Variants in DOCK8 observed in about 807,000 individuals in gnomAD.
DOCK8 encodes the protein dedicator of cytokinesis protein 8.
DOCK8 carries 141 observed loss-of-function variants against 245.6 expected under a neutral mutation model. That is an observed-to-expected ratio of 0.57 (90% CI 0.50 to 0.66). The LOEUF (loss-of-function observed/expected upper bound fraction) is 0.66. DOCK8 is among the 30% of genes least tolerant of loss of function. DOCK8 has a pLI of 0.00. For missense variants in DOCK8, 2,965 were observed against 2,603.4 expected, an observed-to-expected ratio of 1.14 and a Z score of -3.02; for synonymous variants, 1,168 against 970.2, an observed-to-expected ratio of 1.20 and a Z score of -3.79.
In DOCK8 at chr9:414,884, C is replaced by T. The variant is rs372601035; in HGVS notation, c.3633C>T (p.Ile1211=). 61 of 1,614,096 alleles carry T rather than the reference C, an allele frequency of 3.8e-5. No homozygotes were observed. The highest frequency in any genetic ancestry group is 6.7e-5 in the East Asian group (3 of 44,900). Residue 1211 remains isoleucine (I), a synonymous_variant, in exon 29 of 48, where the codon ATC becomes ATT. Transcript: ENST00000432829. ...TCAAACCAGAGGTGAAGGTCAAAAT[C>T]GCCGCCCTTTACCTACCTTTAGTTG... ...RCVKPEVKVK[I]AALYLPLVGI...
At chr9:244,741 A>G (rs2047465731) in intron 1 of DOCK8, among the ~76,000 whole-genome samples, 1 of 152,168 alleles carries the variant, frequency 6.6e-6, no homozygotes, top group Non-Finnish European at 1.5e-5. Flanking sequence ...ACAGATCTAA[A>G]GTTTCCTCCC....
At chr9:454,926 T>C (rs1392335154) in intron 46 of DOCK8, among the ~76,000 whole-genome samples, 4 of 152,174 alleles carry the variant, frequency 2.6e-5, no homozygotes, top group Non-Finnish European at 5.9e-5. Flanking sequence ...CAAGAGGAAA[T>C]GGACTTTCCT....
chr9:372,762 A>T (rs1467535708), intron 18 of DOCK8, among the ~76,000 whole-genome samples: 1 of 152,146 alleles, frequency 6.6e-6, no homozygotes, highest in Non-Finnish European at 1.5e-5. Context: ...TCTCTTGCTC[A>T]TCCACTCTGC....
chr9:242,508 G>C (rs945702000), intron 1 of DOCK8, among the ~76,000 whole-genome samples: 1 of 152,168 alleles, frequency 6.6e-6, no homozygotes, highest in Admixed American at 6.5e-5. Flanking sequence ...ATTAATTCTT[G>C]CATTTATTGA....
At chr9:344,372 A>G (rs539539851) in intron 14 of DOCK8, among the ~76,000 whole-genome samples, 1 of 152,316 alleles carries the variant, frequency 6.6e-6, no homozygotes, top group East Asian at 1.9e-4. Context: ...CTAAATTTTT[A>G]GTGTTCTTCT....
chr9:295,471 C>G (rs2049222252), intron 4 of DOCK8, among the ~76,000 whole-genome samples: 1 of 152,088 alleles, frequency 6.6e-6, no homozygotes, highest in Admixed American at 6.5e-5. Context: ...TAAGTATTAG[C>G]TATTATATTT....
At chr9:392,357 A>T (rs551947179) in intron 24 of DOCK8, among the ~76,000 whole-genome samples, 1 of 152,286 alleles carries the variant, frequency 6.6e-6, no homozygotes, top group African/African-American at 2.4e-5. Context: ...TGCCACAGAA[A>T]CACACCCAGG....
chr9:231,161 C>A (rs1390641996), intron 1 of DOCK8, among the ~76,000 whole-genome samples: 1 of 150,920 alleles, frequency 6.6e-6, no homozygotes, highest in Non-Finnish European at 1.5e-5. Flanking sequence ...AATAGGGAAT[C>A]CTTTCCCCAT....
At chr9:363,007 A>G (rs778493239) in intron 14 of DOCK8, among the ~76,000 whole-genome samples, 7 of 152,234 alleles carry the variant, frequency 4.6e-5, no homozygotes, top group Non-Finnish European at 8.8e-5. Context: ...GTTAACCCCC[A>G]GAGCTGCTCA....
At chr9:426,401 T>C (rs900141017) in intron 33 of DOCK8, among the ~76,000 whole-genome samples, 2 of 152,208 alleles carry the variant, frequency 1.3e-5, no homozygotes, top group Non-Finnish European at 2.9e-5. Context: ...CTCCCCTGAC[T>C]TGGCTCTGAA....
chr9:422,392 A>T (rs535399734), intron 33 of DOCK8, among the ~76,000 whole-genome samples: 10 of 152,376 alleles, frequency 6.6e-5, no homozygotes, highest in African/African-American at 2.2e-4. Context: ...CAGATGGCTT[A>T]ATAAAAGCAG....
At chr9:377,240 G>T in intron 20 of DOCK8, 29 bp downstream of exon 20, 1 of 1,541,560 alleles carries the variant, frequency 6.5e-7, no homozygotes, top group Non-Finnish European at 8.7e-7. Context: ...GGGCTGGGAG[G>T]AGGCAGGAGC....
chr9:423,613 A>G (rs117119096), intron 33 of DOCK8, among the ~76,000 whole-genome samples: 5,543 of 152,298 alleles, frequency 0.036, 162 homozygotes, highest in Middle Eastern at 0.065. Flanking sequence ...AACATTAAAG[A>G]AATAAGTATA....
At chr9:336,318 G>A (rs942354948) in intron 11 of DOCK8, among the ~76,000 whole-genome samples, 14 of 152,218 alleles carry the variant, frequency 9.2e-5, no homozygotes, top group Admixed American at 9.2e-4. Context: ...CTTGCCGGGT[G>A]GCATTTGGGC....
intron 14 of DOCK8, among the ~76,000 whole-genome samples, chr9:362,857 G>A (rs1179489240): frequency 6.6e-6 from 1 of 152,200 alleles, no homozygotes; most frequent in Non-Finnish European, 1.5e-5. Context: ...CCAAAGTGAT[G>A]TTTTTGTATT....
intron 14 of DOCK8, chr9:366,401 A>T (rs1368913349): frequency 6.6e-6 from 1 of 152,206 alleles, no homozygotes; most frequent in Non-Finnish European, 1.5e-5. Context: ...GAACTTGCAC[A>T]TCCAACGTAA....
intron 2 of DOCK8, among the ~76,000 whole-genome samples, chr9:273,669 C>T (rs2048229219): frequency 6.6e-6 from 1 of 151,512 alleles, no homozygotes. Flanking sequence ...AACCCTTTCT[C>T]TCCATACCAG....
intron 39 of DOCK8, among the ~76,000 whole-genome samples, chr9:437,401 C>T (rs749696788): frequency 3.4e-4 from 51 of 152,216 alleles, no homozygotes; most frequent in Non-Finnish European, 6.9e-4. Flanking sequence ...GAGAAAGCCT[C>T]AGTGCATCTT....
intron 1 of DOCK8, among the ~76,000 whole-genome samples, chr9:226,378 A>G: frequency 6.6e-6 from 1 of 152,190 alleles, no homozygotes; most frequent in East Asian, 1.9e-4. Context: ...TTGGGTGGAG[A>G]CAAAGCCAAA....
Sources: gnomAD v4.1 joint callset for allele counts (sites outside exome capture counted in the v4.1 genomes callset) on GRCh38, gnomAD v4.1.1 for gene constraint, MANE v1.5 for transcripts, NCBI Gene and HGNC (gene_info 2026-07-23, HGNC 2026-07-21) for gene names.